Variants in FAM171A1 observed in about 807,000 individuals in gnomAD.
FAM171A1 encodes the protein protein FAM171A1.
Under a neutral mutation model 74.9 loss-of-function variants are expected in FAM171A1, and 23 were observed. The observed-to-expected ratio is 0.31, with a 90% CI of 0.22 to 0.44. The LOEUF (loss-of-function observed/expected upper bound fraction) is 0.44, where lower values mean the gene tolerates loss of function less well. Among genes scored for constraint, FAM171A1 ranks in the 20% least tolerant of loss-of-function variants. The pLI is 1.00. For synonymous variants in FAM171A1, 527 were observed against 505.7 expected, an observed-to-expected ratio of 1.04 and a Z score of -0.57; for missense variants, 1,162 against 1,159.2, an observed-to-expected ratio of 1.00 and a Z score of -0.03.
chr10:15,361,733 C>A (rs1163093422), intron 1 of FAM171A1, among the ~76,000 whole-genome samples: 1 of 152,138 alleles, frequency 6.6e-6, no homozygotes, highest in Non-Finnish European at 1.5e-5. Flanking sequence ...GGATTGGGGA[C>A]AACTTTAATA....
chr10:15,229,110 C>T (rs758187550), intron 5 of FAM171A1, among the ~76,000 whole-genome samples: 13 of 152,196 alleles, frequency 8.5e-5, no homozygotes, highest in Admixed American at 2.0e-4. Context: ...TCAATGAAGA[C>T]GTGATTGTCC....
At chr10:15,368,244 C>A (rs1483532821) in intron 1 of FAM171A1, among the ~76,000 whole-genome samples, 2 of 152,188 alleles carry the variant, frequency 1.3e-5, no homozygotes, top group Admixed American at 1.3e-4. Flanking sequence ...GGAAGAGAGT[C>A]TGAAGCCAAG....
intron 5 of FAM171A1, among the ~76,000 whole-genome samples, chr10:15,244,986 T>C (rs1307958358): frequency 6.6e-6 from 1 of 152,148 alleles, no homozygotes; most frequent in African/African-American, 2.4e-5. Context: ...TGGTTAAATA[T>C]GTCCAGATGT....
chr10:15,312,437 G>A (rs1835370693), intron 1 of FAM171A1, among the ~76,000 whole-genome samples: 1 of 151,658 alleles, frequency 6.6e-6, no homozygotes, highest in Admixed American at 6.6e-5. Flanking sequence ...CTGACACTAA[G>A]TAAAATTAGA....
intron 1 of FAM171A1, among the ~76,000 whole-genome samples, chr10:15,324,291 A>G (rs1835523181): frequency 6.6e-6 from 1 of 152,032 alleles, no homozygotes; most frequent in South Asian, 2.1e-4. Flanking sequence ...TCAAGCAGAG[A>G]AGTCCACGCT....
Position 15,214,518 on chromosome 10 carries a change from G to A in FAM171A1, c.1070C>T (p.Thr357Met), listed in dbSNP as rs369503900. 4 of 1,614,076 alleles carry A rather than the reference G, an allele frequency of 2.5e-6. No individual in the cohort carries two copies. The highest frequency in any genetic ancestry group is 3.4e-6 in the Non-Finnish European group (4 of 1,180,040). Residue 357 changes from threonine (T) to methionine (M), a missense_variant, in exon 8 of 8, where the codon ACG (threonine) becomes ATG (methionine). Transcript: ENST00000378116. ...CAGCAAGTTAATGTGTGACATGGAC[G>A]TGGACTGGTCTCTTTTGGAACTCTC... ...GLESSKRDQS[T>M]SMSHINLLFS...
intron 2 of FAM171A1, among the ~76,000 whole-genome samples, chr10:15,280,924 T>C (rs527972477): frequency 5.9e-5 from 9 of 152,188 alleles, no homozygotes; most frequent in African/African-American, 1.9e-4. Context: ...GAGCATAACA[T>C]GGTTTGGATC....
intron 5 of FAM171A1, among the ~76,000 whole-genome samples, chr10:15,224,430 G>C (rs1333188214): frequency 6.6e-6 from 1 of 152,068 alleles, no homozygotes; most frequent in Non-Finnish European, 1.5e-5. Flanking sequence ...ACCTGGAAAC[G>C]GAGGCACACA....
intron 1 of FAM171A1, among the ~76,000 whole-genome samples, chr10:15,329,444 A>G (rs1358685909): frequency 6.6e-6 from 1 of 152,012 alleles, no homozygotes; most frequent in Non-Finnish European, 1.5e-5. Flanking sequence ...AGTGCCCAGG[A>G]GTTTGAGACC....
At chr10:15,290,125 G>A (rs2131816382) in intron 1 of FAM171A1, among the ~76,000 whole-genome samples, 1 of 152,218 alleles carries the variant, frequency 6.6e-6, no homozygotes, top group African/African-American at 2.4e-5. Flanking sequence ...CTACTTGGGA[G>A]GCTGAGGCCG....
At position 15,371,080 on chromosome 10, in the gene FAM171A1, G is replaced by C; in HGVS notation, c.-28C>G. Reference sequence around the variant, plus strand: ...CCGCCGCGGGGCCGGCGGCGGCTCGGGCTCGCCGAGAGCGGGCCGGGCGGC... The same window carrying C: ...CCGCCGCGGGGCCGGCGGCGGCTCGCGCTCGCCGAGAGCGGGCCGGGCGGC... On this transcript the variant is annotated 5_prime_UTR_variant, in exon 1 of 8. Coordinates refer to ENST00000378116, the MANE Select transcript of FAM171A1 (RefSeq NM_001010924.2). 1 of 996,126 alleles carries C rather than the reference G, an allele frequency of 1.0e-6. No individual in the cohort carries two copies. Among genetic ancestry groups the C allele is most frequent in the Non-Finnish European group, 1.2e-6 (1 of 831,430 alleles). 61.7% of individuals were successfully genotyped at this position (996,126 alleles called of 1,614,324 possible).
chr10:15,224,916 C>A (rs1834085476), intron 5 of FAM171A1, among the ~76,000 whole-genome samples: 1 of 152,182 alleles, frequency 6.6e-6, no homozygotes, highest in Non-Finnish European at 1.5e-5. Context: ...ACTTTGCCTG[C>A]AAATGTAGCT....
chr10:15,365,677 G>A (rs1420293518), intron 1 of FAM171A1, among the ~76,000 whole-genome samples: 1 of 151,796 alleles, frequency 6.6e-6, no homozygotes, highest in Non-Finnish European at 1.5e-5. Flanking sequence ...GGCCGAGGCA[G>A]GAGAATCTTT....
At chr10:15,283,626 C>A (rs867674076) in intron 2 of FAM171A1, among the ~76,000 whole-genome samples, 1 of 152,150 alleles carries the variant, frequency 6.6e-6, no homozygotes, top group Non-Finnish European at 1.5e-5. Flanking sequence ...GTTCTGTTGC[C>A]CAGGCTAGAC....
chr10:15,214,090 T>C lies in FAM171A1; in HGVS notation c.1498A>G (p.Lys500Glu). The part of the protein sequence containing the change: ...NTVLSQPLFE[K>E]QDREGPASTG... Reference sequence around the variant, plus strand: ...GAGGCTGGACCTTCTCTGTCCTGCTTTTCAAATAAAGGCTGTGAGAGCACG... The same window carrying C: ...GAGGCTGGACCTTCTCTGTCCTGCTCTTCAAATAAAGGCTGTGAGAGCACG... The change falls in exon 8 of 8, where the codon AAG becomes GAG. Residue 500 changes from lysine (K) to glutamate (E), a missense_variant. Transcript: ENST00000378116. The C allele has an allele frequency of 4.3e-6, 7 of 1,614,152 alleles. No individual in the cohort carries two copies. The highest frequency in any genetic ancestry group is 5.9e-6 in the Non-Finnish European group (7 of 1,180,014).
At chr10:15,304,195 A>G (rs1297626172) in intron 1 of FAM171A1, among the ~76,000 whole-genome samples, 5 of 152,226 alleles carry the variant, frequency 3.3e-5, no homozygotes, top group Non-Finnish European at 4.4e-5. Context: ...GTAGCTACTC[A>G]TAACTGAGAA....
At chr10:15,318,393 G>T (rs1835447783) in intron 1 of FAM171A1, among the ~76,000 whole-genome samples, 2 of 152,224 alleles carry the variant, frequency 1.3e-5, no homozygotes, top group African/African-American at 4.8e-5. Context: ...GCTGCACCAA[G>T]AAGGGGTCAC....
intron 1 of FAM171A1, among the ~76,000 whole-genome samples, chr10:15,312,688 T>G (rs1164490160): frequency 1.4e-4 from 10 of 71,260 alleles, no homozygotes; most frequent in African/African-American, 1.8e-4. Context: ...TTTTTTTTTT[T>G]TTTTTTTTTT....
At chr10:15,262,669 G>A (rs1373287042) in intron 3 of FAM171A1, among the ~76,000 whole-genome samples, 1 of 152,238 alleles carries the variant, frequency 6.6e-6, no homozygotes, top group African/African-American at 2.4e-5. Flanking sequence ...AGAAGATTGT[G>A]ACTTGAAGGA....
Sources: allele counts gnomAD v4.1 joint callset (sites outside exome capture counted in the v4.1 genomes callset), GRCh38; gene constraint gnomAD v4.1.1; transcripts MANE v1.5; gene names NCBI Gene and HGNC (gene_info 2026-07-23, HGNC 2026-07-21).